Variants in MICU1 observed in about 807,000 individuals in gnomAD.
The protein encoded by MICU1 is mitochondrial calcium uptake 1, also known as calcium uptake protein 1, mitochondrial.
Under a neutral mutation model 56.8 loss-of-function variants are expected in MICU1, and 45 were observed. That is an observed-to-expected ratio of 0.79 (90% confidence interval 0.62 to 1.02). MICU1 has a LOEUF of 1.02. Among genes scored for constraint, MICU1 ranks in the 50% least tolerant of loss-of-function variants. The probability of loss-of-function intolerance (pLI) is 0.00; values close to 1 mark genes in which losing one functional copy is unlikely to be tolerated. For missense variants in MICU1, 504 were observed against 587.1 expected (o/e 0.86, Z 1.46); for synonymous variants, 186 against 195.1 (o/e 0.95, Z 0.39).
chr10:72,438,070 T>G (rs192526705), intron 8 of MICU1, among the ~76,000 whole-genome samples: 7 of 152,252 alleles, frequency 4.6e-5, no homozygotes, highest in African/African-American at 1.7e-4. Flanking sequence ...TACAGAACTC[T>G]CCACCCCAAA....
chr10:72,533,801 A>G lies in MICU1; in HGVS notation c.494-12T>C. Reference sequence around the variant, plus strand: ...ATCCAGACCCAAGTCTGTAAAAGAAAAGGAAAAAACATTTAGCTACTGATA... The same window carrying G: ...ATCCAGACCCAAGTCTGTAAAAGAAGAGGAAAAAACATTTAGCTACTGATA... On this transcript the variant is annotated splice_polypyrimidine_tract_variant and intron_variant, in intron 4 of 11. Coordinates refer to ENST00000361114, the MANE Select transcript of MICU1 (RefSeq NM_001195518.2). The G allele has an allele frequency of 6.4e-7, 1 of 1,571,734 alleles. No individual in the cohort carries two copies. Among genetic ancestry groups the G allele is most frequent in the African/African-American group, 1.4e-5 (1 of 73,620 alleles).
chr10:72,505,996 CAA>C (rs34458233), intron 6 of MICU1, among the ~76,000 whole-genome samples: 93 of 138,394 alleles, frequency 6.7e-4, no homozygotes, highest in East Asian at 6.1e-4. Flanking sequence ...AACAAGCAAG[CAA>C]AAAAAAAAAA....
At chr10:72,446,308 T>C (rs1372020867) in intron 8 of MICU1, among the ~76,000 whole-genome samples, 1 of 151,830 alleles carries the variant, frequency 6.6e-6, no homozygotes, top group Non-Finnish European at 1.5e-5. Context: ...AATAAAAATC[T>C]AAGCCTAATG....
chr10:72,535,016 T>TTTTATTTTATTTTA (rs1564923299), intron 4 of MICU1, among the ~76,000 whole-genome samples: 9 of 88,070 alleles, frequency 1.0e-4, no homozygotes, highest in African/African-American at 4.2e-4. Context: ...TTTTATTTTA[T>TTTTATTTTATTTTA]TTTATTTTAT....
chr10:72,463,003 T>C lies in MICU1; in HGVS notation c.933+12097A>G, dbSNP rs547200209. Among the ~76,000 whole-genome samples, 11 of 152,210 alleles carry C rather than the reference T, an allele frequency of 7.2e-5. No homozygotes were observed. In the South Asian group the frequency reaches 2.1e-3, roughly 29 times the overall value. ...TACAAAGGCATCACTAACATATCAT[T>C]GACTTTGGAATTGCAAAGCTATCTG... On this transcript the variant is annotated intron_variant, in intron 8 of 11. Transcript: ENST00000361114.
chr10:72,418,485 C>G (rs1243028603), intron 9 of MICU1, among the ~76,000 whole-genome samples: 1 of 152,140 alleles, frequency 6.6e-6, no homozygotes, highest in African/African-American at 2.4e-5. Context: ...GATTTTAGAC[C>G]AGACTCTGAA....
intron 4 of MICU1, among the ~76,000 whole-genome samples, chr10:72,541,433 A>G (rs1043435789): frequency 1.3e-5 from 2 of 152,182 alleles, no homozygotes; most frequent in Non-Finnish European, 2.9e-5. Context: ...ATAGAATCTA[A>G]GATTGATCTT....
In MICU1 at chr10:72,421,363, T is replaced by C. The variant is rs7077232; in HGVS notation, c.1071+1871A>G. Among the ~76,000 whole-genome samples, 596 of 151,422 alleles carry C rather than the reference T, an allele frequency of 3.9e-3. 4 individuals carry two copies. Among genetic ancestry groups the C allele is most frequent in the African/African-American group, 0.013 (554 of 41,264 alleles). ...CTCCGCCTCCCTCTGCACCCTCCCTTCCCCGGGTTCAAGCGATTCTCCTGC... is the reference window on the plus strand; with the variant it reads ...CTCCGCCTCCCTCTGCACCCTCCCTCCCCCGGGTTCAAGCGATTCTCCTGC... On this transcript the variant is annotated intron_variant, in intron 9 of 11. Transcript: ENST00000361114.
At chr10:72,471,579 T>G (rs1394355913) in intron 8 of MICU1, among the ~76,000 whole-genome samples, 1 of 112,508 alleles carries the variant, frequency 8.9e-6, no homozygotes, top group Non-Finnish European at 2.6e-5. Context: ...TTGTTTGTTT[T>G]TATTGTTTTT....
At position 72,542,083 on chromosome 10, in the gene MICU1, T is replaced by C. The variant is rs377656400; in HGVS notation, c.494-8294A>G. 3.3e-5 allele frequency among the ~76,000 whole-genome samples: 5 copies of C among 152,240 alleles called. 1 individual carries two copies. The highest frequency in any genetic ancestry group is 1.2e-4 in the African/African-American group (5 of 41,542). On this transcript the variant is annotated intron_variant, in intron 4 of 11. Transcript: ENST00000361114. ...ATAATCATCCCCTAGGGAAAGACAA[T>C]GAATATACATGATGTTATAGTCTTC...
intron 1 of MICU1, among the ~76,000 whole-genome samples, chr10:72,589,334 C>G (rs1421511420): frequency 6.6e-6 from 1 of 151,444 alleles, no homozygotes; most frequent in Admixed American, 6.6e-5. Context: ...ATCTCAGTTA[C>G]AACAGCAACA....
chr10:72,546,080 A>G (rs1839886667), intron 4 of MICU1, among the ~76,000 whole-genome samples: 1 of 152,178 alleles, frequency 6.6e-6, no homozygotes, highest in Non-Finnish European at 1.5e-5. Context: ...CCCTTTGGCT[A>G]AGGGGAGGGG....
chr10:72,600,648 CAAAAAAAAAA>C (rs71021514), intron 1 of MICU1, among the ~76,000 whole-genome samples: 1 of 105,616 alleles, frequency 9.5e-6, no homozygotes, highest in African/African-American at 3.5e-5. Context: ...GACTCCGTCT[CAAAAAAAAAA>C]AAAAAAAAGA....
intron 8 of MICU1, among the ~76,000 whole-genome samples, chr10:72,449,879 G>C (rs964677584): frequency 1.3e-5 from 2 of 152,104 alleles, no homozygotes; most frequent in Admixed American, 1.3e-4. Context: ...TGAAAGCGGG[G>C]CTGATACCCC....
chr10:72,623,406 AAT>A (rs1842157335), intron 1 of MICU1, among the ~76,000 whole-genome samples: 1 of 152,148 alleles, frequency 6.6e-6, no homozygotes, highest in African/African-American at 2.4e-5. Flanking sequence ...AGAAAAAGAA[AAT>A]ATGTGTGGAA....
At chr10:72,368,720 G>T (rs1012090681) in intron 11 of MICU1, among the ~76,000 whole-genome samples, 10 of 152,208 alleles carry the variant, frequency 6.6e-5, no homozygotes, top group Non-Finnish European at 7.4e-5. Context: ...GCTATGGGGG[G>T]CACAGAGGAA....
At chr10:72,415,307 C>T (rs998854126) in intron 9 of MICU1, among the ~76,000 whole-genome samples, 4 of 151,966 alleles carry the variant, frequency 2.6e-5, no homozygotes, top group Admixed American at 6.6e-5. Flanking sequence ...TGAGTCACTG[C>T]GCCCAGCCTC....
intron 8 of MICU1, among the ~76,000 whole-genome samples, chr10:72,449,337 G>A (rs949374787): frequency 1.3e-5 from 2 of 152,112 alleles, no homozygotes; most frequent in Non-Finnish European, 2.9e-5. Context: ...GGCAGAGGCT[G>A]CACTGAGCTT....
intron 4 of MICU1, among the ~76,000 whole-genome samples, chr10:72,542,046 G>T (rs1839785736): frequency 6.6e-6 from 1 of 152,168 alleles, no homozygotes. Flanking sequence ...TAATCATGCT[G>T]CAGTAATAAA....
Sources: gnomAD v4.1 joint callset for allele counts (sites outside exome capture counted in the v4.1 genomes callset) on GRCh38, gnomAD v4.1.1 for gene constraint, MANE v1.5 for transcripts, NCBI Gene and HGNC (gene_info 2026-07-23, HGNC 2026-07-21) for gene names.